Variants in BZW2 observed in about 807,000 individuals in gnomAD.
The protein encoded by BZW2 is eIF5-mimic protein 1.
In BZW2, 23 loss-of-function variants were observed where a neutral mutation model predicts 53.2. That is an observed-to-expected ratio of 0.43 (90% CI 0.31 to 0.61). BZW2 has a LOEUF of 0.61. Ranked by LOEUF, BZW2 falls within the 20% of genes least tolerant of loss-of-function variation. The pLI, the probability that BZW2 is intolerant of heterozygous loss-of-function variation, is 0.09. For synonymous variants in BZW2, 227 were observed against 186.4 expected (o/e 1.22, Z -1.77); for missense variants, 409 against 503.1 (o/e 0.81, Z 1.79).
chr7:16,672,176 C>T (rs1043300296), intron 2 of BZW2, among the ~76,000 whole-genome samples: 1 of 152,098 alleles, frequency 6.6e-6, no homozygotes, highest in South Asian at 2.1e-4. Context: ...AGTCTTTGTG[C>T]TGGGTTCCCA....
chr7:16,669,919 T>G (rs2128356419), intron 2 of BZW2, among the ~76,000 whole-genome samples: 1 of 152,292 alleles, frequency 6.6e-6, no homozygotes, highest in Non-Finnish European at 1.5e-5. Flanking sequence ...TCATTCGAAT[T>G]TTGTTAGTAT....
intron 1 of BZW2, among the ~76,000 whole-genome samples, chr7:16,650,330 A>C (rs547731299): frequency 2.0e-5 from 3 of 152,336 alleles, no homozygotes; most frequent in African/African-American, 7.2e-5. Context: ...TAACTGAGAA[A>C]ATCAAGAGGT....
rs934036645 is a variant in BZW2, at chr7:16,697,933, A to G, written c.970-115A>G. ...CACAATATGATGATAAAAGGTGTCA[A>G]TCCTGAAAGTCAGTCTTTTCTAAGC... On this transcript the variant is annotated intron_variant, in intron 9 of 11. Coordinates refer to ENST00000258761, the MANE Select transcript of BZW2 (RefSeq NM_014038.3). The G allele has an allele frequency of 2.6e-5, 34 of 1,309,768 alleles. No individual in the cohort carries two copies. The East Asian group carries it at 7.5e-4, about 29-fold the overall frequency. 81.1% of individuals were successfully genotyped at this position (1,309,768 alleles called of 1,614,324 possible). A position where few individuals can be genotyped will look rare whatever the true frequency, so the allele number is the denominator to read the frequency against.
chr7:16,649,204 A>G lies in BZW2; in HGVS notation c.-8+2916A>G, dbSNP rs571954956. Among the ~76,000 whole-genome samples, 46 of 152,276 alleles carry G rather than the reference A, an allele frequency of 3.0e-4. 1 individual carries two copies. The highest frequency in any genetic ancestry group is 1.1e-3 in the African/African-American group (44 of 41,548). ...TTATTAATCTGTTTGGTCCCTTCTC[A>G]TTCTACAGTATACATTAACTAGGTC... On this transcript the variant is annotated intron_variant, in intron 1 of 11. Transcript: ENST00000258761.
chr7:16,673,009 G>A (rs561799319), intron 2 of BZW2, among the ~76,000 whole-genome samples: 2 of 151,624 alleles, frequency 1.3e-5, no homozygotes, highest in African/African-American at 2.4e-5. Context: ...GCAATGGCGC[G>A]ATCTTGGCTC....
chr7:16,668,287 G>T (rs1345992179), intron 2 of BZW2, among the ~76,000 whole-genome samples: 1 of 152,220 alleles, frequency 6.6e-6, no homozygotes, highest in Non-Finnish European at 1.5e-5. Flanking sequence ...TTTGTCTTCA[G>T]TTAAGAACCA....
chr7:16,681,690 G>T (rs1269173768), intron 4 of BZW2, among the ~76,000 whole-genome samples: 1 of 152,058 alleles, frequency 6.6e-6, no homozygotes, highest in Non-Finnish European at 1.5e-5. Context: ...AAATTAGCTG[G>T]GTGTGGTGGT....
chr7:16,654,757 T>A (rs1414371970), intron 1 of BZW2, among the ~76,000 whole-genome samples: 2 of 151,800 alleles, frequency 1.3e-5, no homozygotes, highest in Non-Finnish European at 2.9e-5. Flanking sequence ...CAGGCTTGTC[T>A]CAAACTCCTG....
intron 2 of BZW2, among the ~76,000 whole-genome samples, chr7:16,668,076 G>A (rs1295754769): frequency 1.3e-5 from 2 of 152,220 alleles, no homozygotes; most frequent in African/African-American, 4.8e-5. Flanking sequence ...TGTGATAATA[G>A]CTAATATATG....
At chr7:16,652,793 G>C (rs548530163) in intron 1 of BZW2, among the ~76,000 whole-genome samples, 17 of 152,304 alleles carry the variant, frequency 1.1e-4, no homozygotes, top group African/African-American at 3.6e-4. Flanking sequence ...CCAAAGTGCT[G>C]GGATTACAGG....
At chr7:16,646,904 T>C (rs1038410621) in intron 1 of BZW2, among the ~76,000 whole-genome samples, 4 of 152,186 alleles carry the variant, frequency 2.6e-5, no homozygotes, top group African/African-American at 7.2e-5. Context: ...GCTTCTTTGC[T>C]CTGCTAGAGT....
At chr7:16,673,181 C>T (rs1471564514) in intron 2 of BZW2, among the ~76,000 whole-genome samples, 3 of 152,030 alleles carry the variant, frequency 2.0e-5, no homozygotes, top group South Asian at 2.1e-4. Flanking sequence ...CTTCTGACCT[C>T]GTGATCCGCC....
chr7:16,656,070 T>C (rs1380890333), intron 1 of BZW2, among the ~76,000 whole-genome samples: 5 of 151,402 alleles, frequency 3.3e-5, no homozygotes. Flanking sequence ...GTTGTCTCAA[T>C]AGTCATATAT....
chr7:16,664,361 A>AG (rs1782356703), intron 1 of BZW2, among the ~76,000 whole-genome samples: 1 of 152,232 alleles, frequency 6.6e-6, no homozygotes, highest in African/African-American at 2.4e-5. Flanking sequence ...TAGTGACAAC[A>AG]GGCCACTTTG....
chr7:16,686,314 C>A, intron 6 of BZW2: 1 of 364,390 alleles, frequency 2.7e-6, no homozygotes, highest in Non-Finnish European at 5.0e-6. Flanking sequence ...GACTTGATGC[C>A]TAGGTCAAAT....
chr7:16,655,572 T>C (rs1782102539), intron 1 of BZW2, among the ~76,000 whole-genome samples: 1 of 152,178 alleles, frequency 6.6e-6, no homozygotes, highest in Non-Finnish European at 1.5e-5. Flanking sequence ...TATGATACAT[T>C]ATTGTTAACT....
At chr7:16,705,568 A>T (rs1444354988) in intron 11 of BZW2, among the ~76,000 whole-genome samples, 1 of 149,556 alleles carries the variant, frequency 6.7e-6, no homozygotes, top group Non-Finnish European at 1.5e-5. Context: ...ACCTGTAGTC[A>T]CAGCTACTCG....
chr7:16,646,276 C>T lies in BZW2; in HGVS notation c.-20C>T, dbSNP rs1368324749. Reference sequence around the variant, plus strand: ...CCCCCAGCCTTGCGCGTCGTCGCTACCTCCTCGGACAGGTGAGAAGCAGCC... The same window carrying T: ...CCCCCAGCCTTGCGCGTCGTCGCTATCTCCTCGGACAGGTGAGAAGCAGCC... On this transcript the variant is annotated 5_prime_UTR_variant, in exon 1 of 12. Coordinates refer to ENST00000258761, the MANE Select transcript of BZW2 (RefSeq NM_014038.3). 5.7e-5 allele frequency: 15 copies of T among 264,570 alleles called. No homozygotes were observed. Among genetic ancestry groups the T allele is most frequent in the Middle Eastern group, 1.1e-3 (1 of 916 alleles). 16.4% of individuals were successfully genotyped at this position (264,570 alleles called of 1,614,324 possible). A position where few individuals can be genotyped will look rare whatever the true frequency, so the allele number is the denominator to read the frequency against.
chr7:16,697,263 C>A (rs953734658), intron 9 of BZW2, among the ~76,000 whole-genome samples: 3 of 152,122 alleles, frequency 2.0e-5, no homozygotes, highest in Non-Finnish European at 2.9e-5. Context: ...CTAATTTCTT[C>A]ATTTTTTGGT....
Sources: gnomAD v4.1 joint callset for allele counts (sites outside exome capture counted in the v4.1 genomes callset) on GRCh38, gnomAD v4.1.1 for gene constraint, MANE v1.5 for transcripts, NCBI Gene and HGNC (gene_info 2026-07-23, HGNC 2026-07-21) for gene names.